Variants in DLC1 observed in about 807,000 individuals in gnomAD.
DLC1 encodes the protein DLC1 Rho GTPase activating protein.
DLC1 carries 54 observed loss-of-function variants against 140.3 expected under a neutral mutation model. The observed-to-expected ratio is 0.38, with a 90% CI of 0.31 to 0.48. The LOEUF (loss-of-function observed/expected upper bound fraction) is 0.48. Among genes scored for constraint, DLC1 ranks in the 20% least tolerant of loss-of-function variants. The pLI is 0.96. For missense variants in DLC1, 2,536 were observed against 1,907.0 expected (o/e 1.33, Z -6.14); for synonymous variants, 986 against 728.1 (o/e 1.35, Z -5.70).
At chr8:13,596,350 C>A (rs1805680487) in intron 1 of DLC1, among the ~76,000 whole-genome samples, 1 of 151,954 alleles carries the variant, frequency 6.6e-6, no homozygotes, top group Admixed American at 6.6e-5. Context: ...CAGAGCCCCT[C>A]AGTCCTGTGA....
At chr8:13,371,393 C>T (rs1476859559) in intron 4 of DLC1, among the ~76,000 whole-genome samples, 1 of 152,152 alleles carries the variant, frequency 6.6e-6, no homozygotes, top group Non-Finnish European at 1.5e-5. Context: ...ATCTCTCTGT[C>T]TCTGTCTCTC....
chr8:13,250,510 A>G (rs1829956409), intron 5 of DLC1, among the ~76,000 whole-genome samples: 1 of 152,220 alleles, frequency 6.6e-6, no homozygotes, highest in African/African-American at 2.4e-5. Flanking sequence ...TAAAGTACTT[A>G]CTTTAATCCA....
At chr8:13,145,554 G>A (rs746474390) in intron 5 of DLC1, among the ~76,000 whole-genome samples, 5 of 152,098 alleles carry the variant, frequency 3.3e-5, no homozygotes, top group Non-Finnish European at 7.4e-5. Context: ...TGTTTCTTTA[G>A]AGAAACTCCA....
chr8:13,176,410 CTA>C, intron 5 of DLC1, among the ~76,000 whole-genome samples: 1 of 152,210 alleles, frequency 6.6e-6, no homozygotes, highest in South Asian at 2.1e-4. Context: ...AACCCCGTCT[CTA>C]TTAAAAAATA....
intron 5 of DLC1, among the ~76,000 whole-genome samples, chr8:13,138,853 G>A (rs1047853497): frequency 1.3e-5 from 2 of 152,150 alleles, no homozygotes; most frequent in African/African-American, 4.8e-5. Flanking sequence ...AGGGGCTTAG[G>A]CAGCAAAATT....
intron 4 of DLC1, among the ~76,000 whole-genome samples, chr8:13,365,093 T>C (rs1835419168): frequency 6.6e-6 from 1 of 152,170 alleles, no homozygotes; most frequent in Non-Finnish European, 1.5e-5. Context: ...TGTATTCCCG[T>C]AGTATAGTCC....
intron 5 of DLC1, among the ~76,000 whole-genome samples, chr8:13,165,540 A>G (rs1188502860): frequency 3.9e-5 from 6 of 152,182 alleles, no homozygotes; most frequent in African/African-American, 1.2e-4. Flanking sequence ...TCTCTAACAC[A>G]ATGCTGTTAG....
chr8:13,394,371 C>T (rs77806129), intron 3 of DLC1, among the ~76,000 whole-genome samples: 5,156 of 152,236 alleles, frequency 0.034, 114 homozygotes, highest in South Asian at 0.076. Flanking sequence ...TCATTAAATG[C>T]TAGCTACTCC....
intron 5 of DLC1, among the ~76,000 whole-genome samples, chr8:13,143,279 C>T (rs75325329): frequency 9.9e-5 from 15 of 152,234 alleles, no homozygotes; most frequent in Admixed American, 3.3e-4. Context: ...TGATACTGAC[C>T]GCTGTTGTGC....
intron 1 of DLC1, chr8:13,558,167 T>G (rs1244423306): frequency 6.6e-6 from 1 of 152,208 alleles, no homozygotes; most frequent in Non-Finnish European, 1.5e-5. Flanking sequence ...AAGATTTAAT[T>G]CTTGGAGCAG....
intron 2 of DLC1, among the ~76,000 whole-genome samples, chr8:13,413,164 G>A (rs1837866246): frequency 6.7e-6 from 1 of 150,372 alleles, no homozygotes; most frequent in Non-Finnish European, 1.5e-5. Context: ...AACACTACAC[G>A]AAGCTTTTCC....
intron 5 of DLC1, among the ~76,000 whole-genome samples, chr8:13,144,189 C>T (rs551171830): frequency 8.2e-4 from 125 of 152,320 alleles, no homozygotes; most frequent in African/African-American, 2.8e-3. Context: ...GAACACAAGA[C>T]AGAGGAAAGC....
chr8:13,602,721 T>A (rs1805929927), intron 1 of DLC1, among the ~76,000 whole-genome samples: 1 of 151,890 alleles, frequency 6.6e-6, no homozygotes, highest in Non-Finnish European at 1.5e-5. Flanking sequence ...TTTCCCCAGT[T>A]GCTAAAACAA....
intron 2 of DLC1, among the ~76,000 whole-genome samples, chr8:13,446,041 T>G (rs932834811): frequency 6.6e-6 from 1 of 152,194 alleles, no homozygotes; most frequent in Admixed American, 6.5e-5. Flanking sequence ...ATCCTTTCTA[T>G]ACACGGTTGC....
At chr8:13,165,127 T>A (rs985973248) in intron 5 of DLC1, among the ~76,000 whole-genome samples, 39 of 152,190 alleles carry the variant, frequency 2.6e-4, no homozygotes, top group African/African-American at 8.9e-4. Context: ...TTCAGATAAA[T>A]AGCAAGTATA....
chr8:13,530,064 A>G (rs1803047343), intron 1 of DLC1, among the ~76,000 whole-genome samples: 1 of 152,192 alleles, frequency 6.6e-6, no homozygotes, highest in African/African-American at 2.4e-5. Flanking sequence ...CAAGGGGCAC[A>G]TCTGTGCAAG....
At chr8:13,336,993 A>G (rs1833835814) in intron 4 of DLC1, among the ~76,000 whole-genome samples, 2 of 152,220 alleles carry the variant, frequency 1.3e-5, no homozygotes, top group Admixed American at 1.3e-4. Flanking sequence ...TAAACCAAGT[A>G]AAACAAAATC....
At chr8:13,194,766 G>A (rs556279832) in intron 5 of DLC1, among the ~76,000 whole-genome samples, 1 of 152,322 alleles carries the variant, frequency 6.6e-6, no homozygotes, top group East Asian at 1.9e-4. Flanking sequence ...CCAGCACTTT[G>A]GGAGGCTGAG....
chr8:13,280,904 G>A (rs1428778206), intron 5 of DLC1, among the ~76,000 whole-genome samples: 1 of 152,196 alleles, frequency 6.6e-6, no homozygotes, highest in Non-Finnish European at 1.5e-5. Context: ...TAAGTCCTAT[G>A]AGTGATCCAG....
Sources: gnomAD v4.1 joint callset for allele counts (sites outside exome capture counted in the v4.1 genomes callset) on GRCh38, gnomAD v4.1.1 for gene constraint, MANE v1.5 for transcripts, NCBI Gene and HGNC (gene_info 2026-07-23, HGNC 2026-07-21) for gene names.